Variants in GNL3L observed in about 807,000 individuals in gnomAD.
GNL3L encodes the protein guanine nucleotide-binding protein-like 3-like protein.
A neutral mutation model predicts 42.9 loss-of-function variants in GNL3L; 4 were observed. That is an observed-to-expected ratio of 0.09 (90% confidence interval 0.05 to 0.21). The LOEUF (loss-of-function observed/expected upper bound fraction) is 0.21. Ranked by LOEUF, GNL3L falls within the 10% of genes least tolerant of loss-of-function variation. The probability of loss-of-function intolerance (pLI) is 1.00; values close to 1 mark genes in which losing one functional copy is unlikely to be tolerated. For synonymous variants in GNL3L, 159 were observed against 176.3 expected, an observed-to-expected ratio of 0.90 and a Z score of 0.78; for missense variants, 412 against 481.7, an observed-to-expected ratio of 0.86 and a Z score of 1.36.
At chrX:54,535,285 AT>A in intron 2 of GNL3L, among the ~76,000 whole-genome samples, 1 of 109,982 alleles carries the variant, frequency 9.1e-6, no homozygotes, top group Non-Finnish European at 1.9e-5. Flanking sequence ...TGCCCAGCTA[AT>A]TTTTGTATTT....
intron 16 of GNL3L, among the ~76,000 whole-genome samples, chrX:54,599,667 A>G (rs1925979259): frequency 9.1e-6 from 1 of 110,360 alleles, no homozygotes; most frequent in African/African-American, 3.3e-5. Context: ...TTTTCCTTTC[A>G]GGAGTCTGAT....
At chrX:54,606,491 T>G (rs1481147613) in intron 16 of GNL3L, among the ~76,000 whole-genome samples, 1 of 110,854 alleles carries the variant, frequency 9.0e-6, no homozygotes, top group African/African-American at 3.3e-5. Flanking sequence ...TCTCTCTCTT[T>G]TTTTTAAGAG....
chrX:54,551,767 G>T, intron 11 of GNL3L, 25 bp downstream of exon 11: 1 of 1,209,822 alleles, frequency 8.3e-7, no homozygotes, highest in African/African-American at 1.7e-5. Flanking sequence ...CCTGGCTGAT[G>T]CCCTGCCCTA....
chrX:54,567,135 A>G lies in GNL3L; in HGVS notation c.*6533A>G, dbSNP rs1327528692. Among the ~76,000 whole-genome samples, 2 of 111,774 alleles carry G rather than the reference A, an allele frequency of 1.8e-5. No individual in the cohort carries two copies. The highest frequency in any genetic ancestry group is 3.8e-5 in the Non-Finnish European group (2 of 53,224). Reference sequence around the variant, plus strand: ...ACAAGGTATGAATCTATGCTTTTTAAAAAAATATGGTTACCCAATTTTTCT... The same window carrying G: ...ACAAGGTATGAATCTATGCTTTTTAGAAAAATATGGTTACCCAATTTTTCT... On this transcript the variant is annotated 3_prime_UTR_variant, in exon 16 of 16. Transcript: ENST00000360845.
At chrX:54,536,692 G>A (rs1289638779) in intron 2 of GNL3L, among the ~76,000 whole-genome samples, 3 of 108,203 alleles carry the variant, frequency 2.8e-5, no homozygotes, top group African/African-American at 1.0e-4. Flanking sequence ...GGCTGAGGCA[G>A]GAGATTTCCT....
chrX:54,539,951 T>C (rs937281454), intron 3 of GNL3L, among the ~76,000 whole-genome samples, 184 bp from the exon 4 acceptor site: 1 of 111,637 alleles, frequency 9.0e-6, no homozygotes, highest in Admixed American at 9.6e-5. Flanking sequence ...ACTACACTTA[T>C]CTGAGAAGCT....
intron 2 of GNL3L, 29 bp from the exon 3 acceptor site, chrX:54,539,011 C>G (rs1230081719): frequency 1.1e-6 from 1 of 946,200 alleles, no homozygotes; most frequent in Non-Finnish European, 1.5e-6. Context: ...TGGATGACGG[C>G]TCTTTTCTTT....
At chrX:54,587,335 G>A (rs1467811215) in intron 16 of GNL3L, among the ~76,000 whole-genome samples, 1 of 112,435 alleles carries the variant, frequency 8.9e-6, no homozygotes, top group East Asian at 2.8e-4. Context: ...TCTGTCCAAT[G>A]CTAAGAATAT....
chrX:54,580,005 T>G (rs1925688955), intron 16 of GNL3L, among the ~76,000 whole-genome samples: 2 of 104,041 alleles, frequency 1.9e-5, no homozygotes, highest in African/African-American at 7.1e-5. Flanking sequence ...TTTTTTTTTT[T>G]TTTTTTTTAT....
intron 5 of GNL3L, among the ~76,000 whole-genome samples, chrX:54,542,267 C>T (rs1217701004): frequency 4.8e-5 from 4 of 82,813 alleles, no homozygotes; most frequent in Non-Finnish European, 6.7e-5. Flanking sequence ...CTACAACAGT[C>T]CCCGGTGTGT....
At chrX:54,622,665 G>A (rs1926303455), downstream of GNL3L, among the ~76,000 whole-genome samples, 1 of 111,087 alleles carries the variant, frequency 9.0e-6, no homozygotes, top group African/African-American at 3.3e-5. Flanking sequence ...TCCATTCTGT[G>A]AGGTTGTCTT....
chrX:54,623,024 G>A (rs137938875), downstream of GNL3L, among the ~76,000 whole-genome samples: 3,935 of 111,368 alleles, frequency 0.035, 85 homozygotes, highest in Non-Finnish European at 0.045. Flanking sequence ...CAATCAATTG[G>A]TCATAGGTGT....
chrX:54,546,716 G>A (rs5961085), intron 8 of GNL3L, among the ~76,000 whole-genome samples: 1,461 of 111,466 alleles, frequency 0.013, 14 homozygotes, highest in Non-Finnish European at 0.019. Flanking sequence ...GCACGATCTC[G>A]GCTCACTGCA....
chrX:54,534,973 G>T (rs1162459616), intron 2 of GNL3L, among the ~76,000 whole-genome samples: 1 of 111,046 alleles, frequency 9.0e-6, no homozygotes, highest in Admixed American at 9.6e-5. Flanking sequence ...CATTTTTTTT[G>T]TTGTTGTTGT....
intron 16 of GNL3L, among the ~76,000 whole-genome samples, chrX:54,592,809 T>C (rs1925886237): frequency 9.3e-6 from 1 of 108,032 alleles, no homozygotes; most frequent in Admixed American, 9.9e-5. Context: ...AGTGAAACCC[T>C]GTCTCAAAAA....
At chrX:54,586,945 T>G (rs1402617684) in intron 16 of GNL3L, among the ~76,000 whole-genome samples, 3 of 111,748 alleles carry the variant, frequency 2.7e-5, no homozygotes, top group African/African-American at 9.8e-5. Flanking sequence ...ACCTGTAGGT[T>G]TGGAGACAAG....
chrX:54,542,550 A>G (rs1252399631), intron 5 of GNL3L, among the ~76,000 whole-genome samples: 1 of 111,388 alleles, frequency 9.0e-6, no homozygotes, highest in Non-Finnish European at 1.9e-5. Flanking sequence ...TAGTGCCGCA[A>G]TAAACATACG....
At chrX:54,634,362 C>T in the GNL3L span, among the ~76,000 whole-genome samples, 1 of 111,838 alleles carries the variant, frequency 8.9e-6, no homozygotes, top group South Asian at 3.7e-4. Context: ...AGTGCAATGG[C>T]GCTATCTCGG....
chrX:54,586,339 T>C (rs1178748865), intron 16 of GNL3L, among the ~76,000 whole-genome samples: 1 of 110,692 alleles, frequency 9.0e-6, no homozygotes, highest in African/African-American at 3.3e-5. Flanking sequence ...AGGTTATTGC[T>C]CCAGAGGAAG....
Sources: gnomAD v4.1 joint callset for allele counts (sites outside exome capture counted in the v4.1 genomes callset) on GRCh38, gnomAD v4.1.1 for gene constraint, MANE v1.5 for transcripts, NCBI Gene and HGNC (gene_info 2026-07-23, HGNC 2026-07-21) for gene names.